The following CLSTN2 variants were observed in gnomAD, a reference collection of about 807,000 sequenced individuals.
CLSTN2 encodes the protein calsyntenin 2, also known as calsyntenin-2.
Under a neutral mutation model 101.2 loss-of-function variants are expected in CLSTN2, and 48 were observed. That is an observed-to-expected ratio of 0.47 (90% CI 0.38 to 0.60). The LOEUF (loss-of-function observed/expected upper bound fraction) is 0.60, where lower values mean the gene tolerates loss of function less well. CLSTN2 is among the 20% of genes least tolerant of loss of function. The pLI is 0.00. For missense variants in CLSTN2, 1,160 were observed against 1,238.2 expected, an observed-to-expected ratio of 0.94 and a Z score of 0.95; for synonymous variants, 481 against 463.6, an observed-to-expected ratio of 1.04 and a Z score of -0.48.
intron 1 of CLSTN2, among the ~76,000 whole-genome samples, chr3:140,106,875 T>C (rs2009068353): frequency 6.6e-6 from 1 of 152,242 alleles, no homozygotes; most frequent in African/African-American, 2.4e-5. Flanking sequence ...CTGTGTGTTA[T>C]TTTGGCTAAG....
chr3:140,212,962 C>A (rs771936265), intron 2 of CLSTN2, among the ~76,000 whole-genome samples: 2 of 152,324 alleles, frequency 1.3e-5, no homozygotes, highest in Middle Eastern at 3.4e-3. Context: ...CCACCACACC[C>A]TGTCTCTTTA....
intron 1 of CLSTN2, among the ~76,000 whole-genome samples, chr3:140,154,656 T>TG (rs1560111233): frequency 6.9e-5 from 10 of 144,880 alleles, no homozygotes; most frequent in African/African-American, 2.6e-4. Context: ...TTTTTTTTTT[T>TG]TTTTTTGAGA....
intron 1 of CLSTN2, among the ~76,000 whole-genome samples, chr3:140,120,438 G>A (rs115120269): frequency 0.014 from 2,139 of 152,246 alleles, 17 homozygotes; most frequent in Middle Eastern, 0.027. Context: ...TCAGCTGCCT[G>A]GAAGCTCTCT....
intron 8 of CLSTN2, among the ~76,000 whole-genome samples, chr3:140,493,439 CTTA>C (rs1285941801): frequency 1.3e-5 from 2 of 152,172 alleles, no homozygotes; most frequent in African/African-American, 4.8e-5. Context: ...TCATGCTGTT[CTTA>C]TAACTGTAGC....
intron 1 of CLSTN2, among the ~76,000 whole-genome samples, chr3:139,998,751 G>A (rs1223203101): frequency 6.6e-6 from 1 of 152,070 alleles, no homozygotes; most frequent in Non-Finnish European, 1.5e-5. Context: ...GGACATTGAA[G>A]ATCTTCCTTC....
At chr3:140,314,232 A>G (rs1388336377) in intron 2 of CLSTN2, among the ~76,000 whole-genome samples, 2 of 152,214 alleles carry the variant, frequency 1.3e-5, no homozygotes, top group African/African-American at 2.4e-5. Context: ...ATAAAATATC[A>G]TGGGTTTAAT....
At chr3:139,947,425 G>A (rs746501854) in intron 1 of CLSTN2, among the ~76,000 whole-genome samples, 1 of 152,134 alleles carries the variant, frequency 6.6e-6, no homozygotes, top group African/African-American at 2.4e-5. Context: ...TTAATAATCA[G>A]GACTTAAAGC....
chr3:140,092,430 A>T (rs559928225), intron 1 of CLSTN2, among the ~76,000 whole-genome samples: 56 of 152,298 alleles, frequency 3.7e-4, no homozygotes, highest in African/African-American at 1.3e-3. Flanking sequence ...GACAAACATT[A>T]TCTGTTTCTC....
At chr3:140,552,020 A>G (rs1365811071) in intron 10 of CLSTN2, among the ~76,000 whole-genome samples, 1 of 152,022 alleles carries the variant, frequency 6.6e-6, no homozygotes, top group Non-Finnish European at 1.5e-5. Flanking sequence ...TTTACTTAAT[A>G]TGGACCATGG....
chr3:140,065,415 G>T (rs543512357), intron 1 of CLSTN2, among the ~76,000 whole-genome samples: 1 of 152,206 alleles, frequency 6.6e-6, no homozygotes, highest in Non-Finnish European at 1.5e-5. Flanking sequence ...TAGAAGTTTT[G>T]AGCACTTGTT....
chr3:140,186,106 C>T (rs1392532765), intron 2 of CLSTN2, among the ~76,000 whole-genome samples: 1 of 152,120 alleles, frequency 6.6e-6, no homozygotes, highest in Non-Finnish European at 1.5e-5. Context: ...AAGATGGCAG[C>T]ATAGAGAAGA....
intron 1 of CLSTN2, among the ~76,000 whole-genome samples, chr3:139,985,870 C>T (rs1936013370): frequency 6.6e-6 from 1 of 152,152 alleles, no homozygotes; most frequent in Non-Finnish European, 1.5e-5. Flanking sequence ...GCAATATGTG[C>T]ATTGGAAATG....
intron 2 of CLSTN2, among the ~76,000 whole-genome samples, chr3:140,375,935 A>T (rs931123): frequency 0.95 from 145,266 of 152,160 alleles, 69,696 homozygotes; most frequent in East Asian, 1. Context: ...TTATGCTAAC[A>T]CCATACAATA....
At chr3:140,544,966 G>T (rs1451197145) in intron 9 of CLSTN2, among the ~76,000 whole-genome samples, 2 of 152,144 alleles carry the variant, frequency 1.3e-5, no homozygotes, top group Admixed American at 1.3e-4. Flanking sequence ...TATGGATCTA[G>T]ATTCAAACAG....
intron 2 of CLSTN2, among the ~76,000 whole-genome samples, chr3:140,282,826 G>A (rs2086861231): frequency 6.6e-6 from 1 of 152,158 alleles, no homozygotes; most frequent in Non-Finnish European, 1.5e-5. Context: ...TACAGTATGT[G>A]CATTACTTTA....
chr3:140,387,354 G>T (rs2088064549), intron 2 of CLSTN2, among the ~76,000 whole-genome samples: 2 of 152,152 alleles, frequency 1.3e-5, no homozygotes, highest in African/African-American at 4.8e-5. Context: ...TTGATGAAGA[G>T]CATGTAGGAT....
intron 1 of CLSTN2, among the ~76,000 whole-genome samples, chr3:139,943,121 C>T (rs974651523): frequency 6.6e-6 from 1 of 152,154 alleles, no homozygotes; most frequent in Non-Finnish European, 1.5e-5. Flanking sequence ...ACTGCTTCTG[C>T]TGTGGCCTCT....
At chr3:140,115,415 T>G (rs954334971) in intron 1 of CLSTN2, among the ~76,000 whole-genome samples, 1 of 151,344 alleles carries the variant, frequency 6.6e-6, no homozygotes, top group Non-Finnish European at 1.5e-5. Context: ...GGTGGGTAGG[T>G]GGGGGCCACA....
chr3:140,396,034 G>A (rs2107973742), intron 2 of CLSTN2, among the ~76,000 whole-genome samples: 1 of 152,288 alleles, frequency 6.6e-6, no homozygotes, highest in South Asian at 2.1e-4. Context: ...TGAGTTCAGT[G>A]TTTCTCAAAA....
Sources: allele counts gnomAD v4.1 joint callset (sites outside exome capture counted in the v4.1 genomes callset), GRCh38; gene constraint gnomAD v4.1.1; transcripts MANE v1.5; gene names NCBI Gene and HGNC (gene_info 2026-07-23, HGNC 2026-07-21).